Variants in CCDC81 observed in about 807,000 individuals in gnomAD.
The protein encoded by CCDC81 is coiled-coil domain containing 81.
Under a neutral mutation model 83.7 loss-of-function variants are expected in CCDC81, and 79 were observed. The observed-to-expected ratio is 0.94, with a 90% confidence interval of 0.79 to 1.14. CCDC81 has a LOEUF of 1.14. Ranked by LOEUF, CCDC81 falls within the 50% of genes most tolerant of loss-of-function variation. The probability of loss-of-function intolerance (pLI) is 0.00; values close to 1 mark genes in which losing one functional copy is unlikely to be tolerated. For missense variants in CCDC81, 791 were observed against 778.1 expected, an observed-to-expected ratio of 1.02 and a Z score of -0.20; for synonymous variants, 252 against 278.1, an observed-to-expected ratio of 0.91 and a Z score of 0.93.
At chr11:86,401,165 TC>T (rs1287447820) in intron 7 of CCDC81, among the ~76,000 whole-genome samples, 6 of 152,240 alleles carry the variant, frequency 3.9e-5, no homozygotes, top group Non-Finnish European at 8.8e-5. Flanking sequence ...TATATTTACA[TC>T]AAATTGGAAA....
intron 4 of CCDC81, among the ~76,000 whole-genome samples, chr11:86,394,189 C>G (rs1948372161): frequency 6.6e-6 from 1 of 152,244 alleles, no homozygotes; most frequent in East Asian, 1.9e-4. Context: ...CTCAGGGATT[C>G]TGCTGAACTT....
At chr11:86,388,879 G>C (rs1284542980) in intron 3 of CCDC81, among the ~76,000 whole-genome samples, 3 of 152,074 alleles carry the variant, frequency 2.0e-5, no homozygotes, top group Non-Finnish European at 4.4e-5. Context: ...TTCTATCTTG[G>C]ATCTTGTACT....
chr11:86,389,336 T>G (rs1270125060), intron 3 of CCDC81, among the ~76,000 whole-genome samples: 1 of 152,154 alleles, frequency 6.6e-6, no homozygotes, highest in Non-Finnish European at 1.5e-5. Context: ...GGGTTATGAT[T>G]CTTCATCATT....
At chr11:86,390,596 G>A (rs1948314374) in intron 3 of CCDC81, among the ~76,000 whole-genome samples, 1 of 152,194 alleles carries the variant, frequency 6.6e-6, no homozygotes, top group South Asian at 2.1e-4. Flanking sequence ...CCTGAACGAA[G>A]ACAGTGATCA....
At chr11:86,419,125 T>C (rs1948757224) in intron 13 of CCDC81, 1 of 152,250 alleles carries the variant, frequency 6.6e-6, no homozygotes, top group Non-Finnish European at 1.5e-5. Context: ...CCAGTGGTCG[T>C]TGGTACCTGT....
intron 13 of CCDC81, among the ~76,000 whole-genome samples, chr11:86,417,542 A>T (rs1948737494): frequency 6.6e-6 from 1 of 151,968 alleles, no homozygotes; most frequent in Non-Finnish European, 1.5e-5. Context: ...TATGAGATTC[A>T]TTCTTCTTTA....
At chr11:86,387,771 T>C (rs1948265393) in intron 3 of CCDC81, 99 bp downstream of exon 3, 1 of 815,754 alleles carries the variant, frequency 1.2e-6, no homozygotes, top group Non-Finnish European at 1.9e-6. Flanking sequence ...TCTTACCTTC[T>C]TATTTGAGGA....
At chr11:86,413,606 A>G (rs1175496080) in intron 11 of CCDC81, among the ~76,000 whole-genome samples, 4 of 152,216 alleles carry the variant, frequency 2.6e-5, no homozygotes, top group Non-Finnish European at 5.9e-5. Context: ...AGTGATGGTC[A>G]ATCTGTAATT....
At chr11:86,396,929 C>T (rs1423390640) in intron 5 of CCDC81, among the ~76,000 whole-genome samples, 1 of 152,140 alleles carries the variant, frequency 6.6e-6, no homozygotes, top group African/African-American at 2.4e-5. Context: ...GAGTCGCCAT[C>T]AAGTCAAGGG....
intron 13 of CCDC81, chr11:86,419,303 C>T (rs191187042): frequency 6.6e-6 from 1 of 152,266 alleles, no homozygotes. Flanking sequence ...TGTTTGGAGA[C>T]CAGTGATAGA....
intron 6 of CCDC81, 96 bp from the exon 7 acceptor site, chr11:86,400,582 T>A: frequency 8.5e-7 from 1 of 1,172,268 alleles, no homozygotes; most frequent in Non-Finnish European, 1.2e-6. Flanking sequence ...GATAAGAGAG[T>A]GTATCTTATA....
At position 86,400,711 on chromosome 11, in the gene CCDC81, A is replaced by G. The variant is rs609443; in HGVS notation, c.791A>G (p.Gln264Arg). The G allele has an allele frequency of 2.5e-5, 41 of 1,612,556 alleles. No homozygotes were observed. The highest frequency in any genetic ancestry group is 3.5e-5 in the Non-Finnish European group (41 of 1,178,866). ...TCACCCAAAAGACTTCGAGATAGAC[A>G]AGCTTTGTTCCCTGCCAAAGTGACA... ...ISSPKRLRDR[Q>R]ALFPAKVTNV... The change falls in exon 7 of 15, where the codon CAA becomes CGA. Residue 264 changes from glutamine to arginine, a missense_variant. Gln to Arg is a conservative substitution (Grantham distance 43). Transcript: ENST00000445632.
chr11:86,384,927 T>G (rs1487730969), intron 1 of CCDC81, among the ~76,000 whole-genome samples: 1 of 152,236 alleles, frequency 6.6e-6, no homozygotes, highest in Non-Finnish European at 1.5e-5. Flanking sequence ...AACACTTTCA[T>G]TATTGGCAAC....
chr11:86,392,257 T>G (rs894954662), intron 3 of CCDC81, among the ~76,000 whole-genome samples: 4 of 152,232 alleles, frequency 2.6e-5, no homozygotes, highest in Non-Finnish European at 5.9e-5. Context: ...ATATGTTTCC[T>G]AGAGAAAATC....
chr11:86,402,513 G>A (rs1948507059), intron 7 of CCDC81, among the ~76,000 whole-genome samples: 1 of 151,796 alleles, frequency 6.6e-6, no homozygotes, highest in Non-Finnish European at 1.5e-5. Context: ...ATCTCCTATT[G>A]GATATTTAGA....
chr11:86,420,829 G>A (rs1948779608), intron 14 of CCDC81, among the ~76,000 whole-genome samples: 1 of 152,198 alleles, frequency 6.6e-6, no homozygotes, highest in South Asian at 2.1e-4. Flanking sequence ...ATGAAAGTAT[G>A]AGTGATGACG....
At chr11:86,422,325 G>T (rs963011867) in intron 14 of CCDC81, among the ~76,000 whole-genome samples, 1 of 152,198 alleles carries the variant, frequency 6.6e-6, no homozygotes, top group Non-Finnish European at 1.5e-5. Flanking sequence ...GGCTTGGGTG[G>T]TTGAGGCTGG....
chr11:86,375,684 A>G (rs1258585953), intron 1 of CCDC81, among the ~76,000 whole-genome samples: 1 of 152,178 alleles, frequency 6.6e-6, no homozygotes, highest in East Asian at 1.9e-4. Context: ...TGAGATGATC[A>G]TAAAAAGCTA....
intron 1 of CCDC81, among the ~76,000 whole-genome samples, chr11:86,383,573 A>G (rs1948200816): frequency 6.6e-6 from 1 of 152,194 alleles, no homozygotes; most frequent in South Asian, 2.1e-4. Flanking sequence ...ATGTCTAGGG[A>G]TTAGTTCTTT....
Sources: allele counts gnomAD v4.1 joint callset (sites outside exome capture counted in the v4.1 genomes callset), GRCh38; gene constraint gnomAD v4.1.1; transcripts MANE v1.5; gene names NCBI Gene and HGNC (gene_info 2026-07-23, HGNC 2026-07-21).